Variants in RNF135 observed in about 807,000 individuals in gnomAD.
RNF135 encodes the protein E3 ubiquitin-protein ligase RNF135.
A neutral mutation model predicts 41.9 loss-of-function variants in RNF135; 46 were observed. That is an observed-to-expected ratio of 1.10 (90% CI 0.87 to 1.40). The LOEUF (loss-of-function observed/expected upper bound fraction) is 1.40, where lower values mean the gene tolerates loss of function less well. RNF135 is among the 40% of genes most tolerant of loss of function. The probability of loss-of-function intolerance (pLI) is 0.00; values close to 1 mark genes in which losing one functional copy is unlikely to be tolerated. For missense variants in RNF135, 539 were observed against 549.8 expected (o/e 0.98, Z 0.20); for synonymous variants, 238 against 223.8 (o/e 1.06, Z -0.57).
chr17:30,979,451 C>A (rs1329751466), intron 1 of RNF135, among the ~76,000 whole-genome samples: 3 of 113,942 alleles, frequency 2.6e-5, no homozygotes, highest in African/African-American at 1.0e-4. Flanking sequence ...GGCAGAGGCG[C>A]CCCTCACCTC....
rs551630367 is a variant in RNF135, at chr17:30,987,310, C to T, written c.517-634C>T. Among the ~76,000 whole-genome samples the T allele has an allele frequency of 2.6e-5, 4 of 152,006 alleles. No homozygotes were observed. The East Asian group carries it at 7.7e-4, about 29-fold the overall frequency. On this transcript the variant is annotated intron_variant, in intron 2 of 4. Coordinates refer to ENST00000328381, the MANE Select transcript of RNF135 (RefSeq NM_032322.4). ...GTGGCATGATCTTCTCAGCTCAGTA[C>T]AACCTCTACCTCCCGGGTTCAAGTG...
At chr17:30,963,312 G>A in the RNF135 span, among the ~76,000 whole-genome samples, 2 of 151,968 alleles carry the variant, frequency 1.3e-5, no homozygotes, top group African/African-American at 4.8e-5. Flanking sequence ...GCTGGGCACA[G>A]TGGCTCACAC....
In RNF135 at chr17:30,979,053, C is replaced by T. The variant is rs1182771880; in HGVS notation, c.373-5564C>T. Reference sequence around the variant, plus strand: ...CCATCCGATTTCTCAATTTTTTCCCCACCCTTCCCGCCTTTCTATTCCACA... The same window carrying T: ...CCATCCGATTTCTCAATTTTTTCCCTACCCTTCCCGCCTTTCTATTCCACA... On this transcript the variant is annotated intron_variant, in intron 1 of 4. Coordinates refer to ENST00000328381, the MANE Select transcript of RNF135 (RefSeq NM_032322.4). The T allele has an allele frequency of 2.9e-4, 49 of 169,062 alleles. No homozygotes were observed. In the South Asian group the frequency reaches 2.9e-3, roughly 10 times the overall value. The allele number at this position is 169,062 out of a possible 1,614,324, so 10.5% of individuals were successfully genotyped here.
At chr17:30,988,522 G>A (rs2142716987) in intron 3 of RNF135, among the ~76,000 whole-genome samples, 1 of 143,750 alleles carries the variant, frequency 7.0e-6, no homozygotes, top group South Asian at 2.2e-4. Flanking sequence ...CTGCCTCCTG[G>A]GTTCATGCCA....
At position 30,999,190 on chromosome 17, in the gene RNF135, AAGGTTTC is replaced by A. The variant is rs1908578579; in HGVS notation, c.1299_*6del. The A allele has an allele frequency of 6.2e-7, 1 of 1,612,218 alleles. No homozygotes were observed. Among genetic ancestry groups the A allele is most frequent in the Non-Finnish European group, 8.5e-7 (1 of 1,179,986 alleles). ...CTGATAATAAAGCAAGTAAAGGTGT[AAGGTTTC>A]CTAAGGGATTACAACACAGTGGTTT... is the stretch of plus-strand genomic sequence containing the variant. On this transcript the variant is annotated stop_lost and 3_prime_UTR_variant, in exon 5 of 5. Coordinates refer to ENST00000328381, the MANE Select transcript of RNF135 (RefSeq NM_032322.4).
chr17:30,961,806 C>T, the RNF135 span, among the ~76,000 whole-genome samples: 2 of 152,040 alleles, frequency 1.3e-5, no homozygotes, highest in Non-Finnish European at 2.9e-5. Context: ...CTCAAACTGA[C>T]CCTTTGCTTA....
intron 1 of RNF135, among the ~76,000 whole-genome samples, chr17:30,980,606 C>T (rs1907047199): frequency 7.3e-6 from 1 of 136,726 alleles, no homozygotes; most frequent in Admixed American, 7.0e-5. Context: ...ACTTCTCAGA[C>T]GGGGCGGTTG....
At chr17:30,961,635 G>C in the RNF135 span, among the ~76,000 whole-genome samples, 1 of 152,008 alleles carries the variant, frequency 6.6e-6, no homozygotes. Context: ...GCTAATTTTT[G>C]TATTTTTCTG....
In RNF135 at chr17:30,971,326, T is replaced by G; in HGVS notation, c.253T>G (p.Tyr85Asp). 6.5e-7 allele frequency: 1 copy of G among 1,533,660 alleles called. No homozygotes were observed. ...GCTACTGCAGGACCTGGCCGACAAGTACCGCCGCGCCGCACGCGAGATACA... is the reference window on the plus strand; with the variant it reads ...GCTACTGCAGGACCTGGCCGACAAGGACCGCCGCGCCGCACGCGAGATACA... ...NTLLQDLADK[Y>D]RRAAREIQAG... The change falls in exon 1 of 5, where the codon TAC (tyrosine) becomes GAC (aspartate). Residue 85 changes from tyrosine to aspartate, a missense_variant. By Grantham distance (160) the Tyr-to-Asp change is radical. Around this residue, in one of 2 missense-constraint regions of RNF135, gnomAD observed 277 missense variants for 212.8 expected, o/e 1.30. Transcript: ENST00000328381.
upstream of RNF135, chr17:30,969,248 T>C (rs1451584120): frequency 6.6e-6 from 1 of 152,140 alleles, no homozygotes; most frequent in Non-Finnish European, 1.5e-5. Flanking sequence ...TGTTTAAGTG[T>C]TTAGTATCAT....
intron 2 of RNF135, among the ~76,000 whole-genome samples, chr17:30,987,537 G>T (rs910952519): frequency 3.9e-5 from 6 of 152,078 alleles, no homozygotes; most frequent in African/African-American, 1.4e-4. Context: ...TAGCCGAAAA[G>T]GTTATTCTGA....
In RNF135 at chr17:30,999,352, A is replaced by G. The variant is rs960619193; in HGVS notation, c.*161A>G. ...TGGTGTCGAATTCCTGGTCTCAAGC[A>G]GTCCTCCCACCTCAGCCTCCCAAGG... is the stretch of plus-strand genomic sequence containing the variant. On this transcript the variant is annotated 3_prime_UTR_variant, in exon 5 of 5. Transcript: ENST00000328381. The G allele has an allele frequency of 2.6e-6, 2 of 764,774 alleles. No individual in the cohort carries two copies. Among genetic ancestry groups the G allele is most frequent in the Non-Finnish European group, 4.3e-6 (2 of 462,252 alleles). The allele number at this position is 764,774 out of a possible 1,614,324, so 47.4% of individuals were successfully genotyped here.
upstream of RNF135, chr17:30,971,022 G>A: frequency 1.3e-6 from 2 of 1,532,394 alleles, no homozygotes; most frequent in Non-Finnish European, 1.7e-6. Flanking sequence ...AGGAGCCTGA[G>A]GAGACTCGCC....
upstream of RNF135, among the ~76,000 whole-genome samples, chr17:30,966,430 TTATG>T (rs1905555458): frequency 6.8e-6 from 1 of 147,874 alleles, no homozygotes; most frequent in African/African-American, 2.5e-5. Flanking sequence ...TTATTTATTT[TTATG>T]TATTTATTTA....
At chr17:30,975,484 C>A in intron 1 of RNF135, 1 of 777,388 alleles carries the variant, frequency 1.3e-6, no homozygotes, top group South Asian at 1.3e-5. Context: ...ATCTGAACAT[C>A]TTGTTCAATG....
At chr17:30,993,613 G>A (rs748112928) in intron 3 of RNF135, among the ~76,000 whole-genome samples, 2 of 151,832 alleles carry the variant, frequency 1.3e-5, no homozygotes, top group African/African-American at 4.8e-5. Context: ...CTTAACTGGA[G>A]AACCATGATT....
intron 3 of RNF135, among the ~76,000 whole-genome samples, chr17:30,991,762 T>G (rs1462623626): frequency 6.6e-6 from 1 of 152,086 alleles, no homozygotes; most frequent in Non-Finnish European, 1.5e-5. Context: ...CTTTCATATC[T>G]TGTGTTATTG....
chr17:30,969,978 T>C (rs891780089), upstream of RNF135, among the ~76,000 whole-genome samples: 1 of 152,026 alleles, frequency 6.6e-6, no homozygotes, highest in Non-Finnish European at 1.5e-5. Context: ...GGGTTCACCA[T>C]GTTGGCCAGG....
chr17:30,979,660 G>A (rs1245998015), intron 1 of RNF135, among the ~76,000 whole-genome samples: 6 of 134,784 alleles, frequency 4.5e-5, no homozygotes. Context: ...CAGGCGGGGG[G>A]CTGATCCCCC....
Sources: allele counts gnomAD v4.1 joint callset (sites outside exome capture counted in the v4.1 genomes callset), GRCh38; gene constraint gnomAD v4.1.1; regional missense constraint gnomAD v4.1.1; transcripts MANE v1.5; gene names NCBI Gene and HGNC (gene_info 2026-07-23, HGNC 2026-07-21).